GAL3ST1: variants seen among roughly 807,000 people sequenced by gnomAD.
GAL3ST1 encodes galactosylceramide sulfotransferase.
Under a neutral mutation model 25.0 loss-of-function variants are expected in GAL3ST1, and 13 were observed. The observed-to-expected ratio is 0.52, with a 90% CI of 0.34 to 0.83. The LOEUF (loss-of-function observed/expected upper bound fraction) is 0.83, where lower values mean the gene tolerates loss of function less well. GAL3ST1 is among the 40% of genes least tolerant of loss of function. The probability of loss-of-function intolerance (pLI) is 0.02; values close to 1 mark genes in which losing one functional copy is unlikely to be tolerated. For missense variants in GAL3ST1, 474 were observed against 613.6 expected (o/e 0.77, Z 2.40); for synonymous variants, 274 against 277.8 (o/e 0.99, Z 0.14).
intron 1 of GAL3ST1, among the ~76,000 whole-genome samples, chr22:30,559,323 C>A (rs554137123): frequency 7.9e-5 from 12 of 152,170 alleles, no homozygotes; most frequent in African/African-American, 2.4e-4. Context: ...TCCCTGCAAC[C>A]TTTGACTCCC....
chr22:30,564,495 T>C (rs968061843), intron 1 of GAL3ST1, among the ~76,000 whole-genome samples: 1 of 152,108 alleles, frequency 6.6e-6, no homozygotes, highest in Admixed American at 6.5e-5. Flanking sequence ...CCACCCACAG[T>C]AGTGACAACT....
intron 3 of GAL3ST1, among the ~76,000 whole-genome samples, chr22:30,556,622 G>A (rs970676551): frequency 2.0e-5 from 3 of 152,132 alleles, no homozygotes; most frequent in Non-Finnish European, 4.4e-5. Context: ...TGGACAGGTC[G>A]CCCCCACCAG....
intron 1 of GAL3ST1, among the ~76,000 whole-genome samples, chr22:30,573,636 A>C (rs552109301): frequency 6.6e-6 from 1 of 152,202 alleles, no homozygotes; most frequent in Non-Finnish European, 1.5e-5. Flanking sequence ...TGCACCTGTC[A>C]CCGCGGCAGC....
chr22:30,555,741 C>T lies in GAL3ST1; in HGVS notation c.484G>A (p.Val162Met), dbSNP rs200524491. 1.9e-6 allele frequency: 3 copies of T among 1,614,062 alleles called. No individual in the cohort carries two copies. Among genetic ancestry groups the T allele is most frequent in the Admixed American group, 1.7e-5 (1 of 60,026 alleles). Residue 162 changes from valine to methionine, a missense_variant, in exon 4 of 4, where the codon GTG (valine) becomes ATG (methionine). This residue lies in a region of GAL3ST1 where 359 missense variants were observed against 504.4 expected (regional missense o/e 0.71). Transcript: ENST00000406361. The surrounding 1 kb of genome is among the most constrained non-coding windows in gnomAD (Gnocchi z 8.6). ...AACAAGCGGGCGGGGTCGCGGAGCA[C>T]CGTGATGAAGATGGCGTTGGTCGGC... is the stretch of plus-strand genomic sequence containing the variant. The part of the protein sequence containing the change: ...LVPTNAIFIT[V>M]LRDPARLFES...
intron 2 of GAL3ST1, 90 bp from the exon 3 acceptor site, chr22:30,557,491 C>G: frequency 6.9e-7 from 1 of 1,450,094 alleles, no homozygotes; most frequent in Non-Finnish European, 9.5e-7. Context: ...TGAGCCCTGC[C>G]TTTGCCTGCT....
intron 1 of GAL3ST1, among the ~76,000 whole-genome samples, 172 bp from the exon 2 acceptor site, chr22:30,558,560 C>G (rs1323361484): frequency 1.3e-5 from 2 of 152,210 alleles, no homozygotes; most frequent in Non-Finnish European, 2.9e-5. Context: ...TACCTGTCCC[C>G]TGTGCCACCC....
rs766065135 is a variant in GAL3ST1 at position 30,556,022 on chromosome 22, G to A, written c.203C>T (p.Ser68Leu). ...EPEAVIRANG[S>L]AGECQPRRNI... ...GCGCCGCGGCTGGCACTCCCCCGCC[G>A]AGCCGTTGGCCCGGATCACTGCCTC... The change falls in exon 4 of 4, where the codon TCG becomes TTG. Residue 68 changes from serine (S) to leucine (L), a missense_variant. Transcript: ENST00000406361. The A allele has an allele frequency of 2.9e-5, 47 of 1,612,794 alleles. No homozygotes were observed. The highest frequency in any genetic ancestry group is 3.0e-5 in the Non-Finnish European group (35 of 1,179,922).
intron 1 of GAL3ST1, among the ~76,000 whole-genome samples, chr22:30,574,124 ATCATT>A (rs773607688): frequency 2.0e-5 from 3 of 152,098 alleles, no homozygotes; most frequent in Non-Finnish European, 2.9e-5. Flanking sequence ...TCCAAGATTA[ATCATT>A]AACGCACTCC....
rs769808879 is a variant in GAL3ST1 at position 30,557,356 on chromosome 22, C to G, written c.37G>C (p.Ala13Pro). Residue 13 changes from alanine (A) to proline (P), a missense_variant, in exon 3 of 4, where the codon GCT becomes CCT. Physicochemically the swap from Ala to Pro is conservative, Grantham distance 27. This residue lies in a region of GAL3ST1 where 115 missense variants were observed against 109.2 expected (regional missense o/e 1.05). Transcript: ENST00000406361. ...PPQKKPWESM[A>P]KGLVLGALFT... Reference sequence around the variant, plus strand: ...AGCGCGCCCAGCACCAGCCCCTTAGCCATGGACTCCCAGGGCTTCTTCTGC... The same window carrying G: ...AGCGCGCCCAGCACCAGCCCCTTAGGCATGGACTCCCAGGGCTTCTTCTGC... The G allele has an allele frequency of 6.2e-7, 1 of 1,614,224 alleles. No individual in the cohort carries two copies.
chr22:30,557,173 G>A, intron 3 of GAL3ST1, 89 bp downstream of exon 3: 1 of 1,365,314 alleles, frequency 7.3e-7, no homozygotes. Context: ...GATCACTGGG[G>A]CAGGCCCTGT....
Position 30,555,179 on chromosome 22 carries a change from C to T in GAL3ST1, c.1046G>A (p.Gly349Asp), listed in dbSNP as rs781484854. The T allele has an allele frequency of 1.9e-6, 3 of 1,601,284 alleles. No homozygotes were observed. Among genetic ancestry groups the T allele is most frequent in the African/African-American group, 2.7e-5 (2 of 74,792 alleles). Residue 349 changes from glycine (G) to aspartate (D), a missense_variant, in exon 4 of 4, where the codon GGC becomes GAC. Around this residue, in one of 2 missense-constraint regions of GAL3ST1, gnomAD observed 359 missense variants for 504.4 expected, o/e 0.71. Coordinates refer to ENST00000406361, the MANE Select transcript of GAL3ST1 (RefSeq NM_001318104.2). This position sits in a 1 kb window ranked among gnomAD's most constrained non-coding sequence, Gnocchi z 8.6. Reference protein sequence around the residue: ...ERMRTICIDGGHAVDAAAIQD... With the variant: ...ERMRTICIDGDHAVDAAAIQD... ...GATGGCGGCGGCGTCCACGGCGTGG[C>T]CCCCGTCGATGCAGATGGTCCGCAT... is the stretch of plus-strand genomic sequence containing the variant.
intron 1 of GAL3ST1, among the ~76,000 whole-genome samples, chr22:30,565,881 C>T (rs1472792680): frequency 3.9e-5 from 6 of 152,184 alleles, no homozygotes; most frequent in Non-Finnish European, 8.8e-5. Context: ...AGCACTGCTG[C>T]CTAGAACCCC....
intron 1 of GAL3ST1, among the ~76,000 whole-genome samples, chr22:30,564,598 G>C (rs2086565960): frequency 6.6e-6 from 1 of 152,200 alleles, no homozygotes; most frequent in Non-Finnish European, 1.5e-5. Context: ...GCCTGCATCA[G>C]TGCAGGCAGC....
Position 30,555,409 on chromosome 22 carries a change from G to A in GAL3ST1, c.816C>T (p.Asp272=), listed in dbSNP as rs1306346945. The A allele has an allele frequency of 3.7e-6, 6 of 1,610,124 alleles. No homozygotes were observed. The highest frequency in any genetic ancestry group is 1.1e-5 in the South Asian group (1 of 91,074). ...GGGCGTTGAGCTTGAAGTAGAGCAC[G>A]TCCTCCAGCTCCCAGCACAGCAGGT... ...LKDLLCWELE[D]VLYFKLNARR... is the part of the protein sequence containing the mutation. The change falls in exon 4 of 4, where the codon GAC becomes GAT. Residue 272 remains aspartate (D), a synonymous_variant. Coordinates refer to ENST00000406361, the MANE Select transcript of GAL3ST1 (RefSeq NM_001318104.2). The surrounding 1 kb of genome is among the most constrained non-coding windows in gnomAD (Gnocchi z 8.6).
At position 30,554,715 on chromosome 22, in the gene GAL3ST1, G is replaced by A. The variant is rs952828046; in HGVS notation, c.*238C>T. The A allele has an allele frequency of 1.8e-5, 7 of 387,998 alleles. No homozygotes were observed. Among genetic ancestry groups the A allele is most frequent in the African/African-American group, 1.0e-4 (5 of 48,016 alleles). The allele number at this position is 387,998 out of a possible 1,614,324, so 24.0% of individuals were successfully genotyped here. ...AGGCAGAAATAGAACATTCTTTATC[G>A]GGGAGGGAAAGGGGTTTAATAAAAA... On this transcript the variant is annotated 3_prime_UTR_variant, in exon 4 of 4. Coordinates refer to ENST00000406361, the MANE Select transcript of GAL3ST1 (RefSeq NM_001318104.2).
Position 30,554,875 on chromosome 22 carries a change from G to T in GAL3ST1, c.*78C>A. The stretch of plus-strand genomic sequence containing the variant: ...AGGTGGCACCAGGAGGGGGCTGGGG[G>T]CGGCCAGCACCAGCGGCGTCCTGCT... On this transcript the variant is annotated 3_prime_UTR_variant, in exon 4 of 4. Transcript: ENST00000406361. 1.7e-6 allele frequency: 2 copies of T among 1,198,278 alleles called. No individual in the cohort carries two copies. Among genetic ancestry groups the T allele is most frequent in the Non-Finnish European group, 2.3e-6 (2 of 878,202 alleles). The allele number at this position is 1,198,278 out of a possible 1,614,324, so 74.2% of individuals were successfully genotyped here.
At chr22:30,568,735 C>G (rs564839420) in intron 1 of GAL3ST1, among the ~76,000 whole-genome samples, 7 of 152,078 alleles carry the variant, frequency 4.6e-5, no homozygotes, top group African/African-American at 1.4e-4. Context: ...GCTGGGTGGG[C>G]AGGGGAGAGA....
chr22:30,565,516 G>A lies in GAL3ST1; in HGVS notation c.-119-7128C>T, dbSNP rs1025611220. Among the ~76,000 whole-genome samples the A allele has an allele frequency of 6.6e-5, 10 of 152,160 alleles. No individual in the cohort carries two copies. The South Asian group carries it at 8.3e-4, about 13-fold the overall frequency. ...GAAGAATGAACAACTAACTCAGCCT[G>A]GAAGGCTTCCAGGAGGCAGAGCATC... On this transcript the variant is annotated intron_variant, in intron 1 of 3. Coordinates refer to ENST00000406361, the MANE Select transcript of GAL3ST1 (RefSeq NM_001318104.2).
At chr22:30,568,846 C>A (rs369658196) in intron 1 of GAL3ST1, among the ~76,000 whole-genome samples, 3 of 151,932 alleles carry the variant, frequency 2.0e-5, no homozygotes, top group African/African-American at 7.3e-5. Context: ...GAGGCTAAGG[C>A]GGGCAGATCA....
Sources: gnomAD v4.1 joint callset for allele counts (sites outside exome capture counted in the v4.1 genomes callset) on GRCh38, gnomAD v4.1.1 for gene constraint, gnomAD v4.1.1 regional missense constraint, Gnocchi (gnomAD v3.1) non-coding constraint, MANE v1.5 for transcripts, NCBI Gene and HGNC (gene_info 2026-07-23, HGNC 2026-07-21) for gene names.